The following INTS6L variants were observed in gnomAD, a reference collection of about 807,000 sequenced individuals.
The protein encoded by INTS6L is integrator complex subunit 6 like, also known as integrator complex subunit 6-like.
Under a neutral mutation model 64.7 loss-of-function variants are expected in INTS6L, and 18 were observed. That is an observed-to-expected ratio of 0.28 (90% CI 0.19 to 0.41). INTS6L has a LOEUF of 0.41. Among genes scored for constraint, INTS6L ranks in the 10% least tolerant of loss-of-function variants. INTS6L has a pLI of 1.00. For synonymous variants in INTS6L, 227 were observed against 235.9 expected (o/e 0.96, Z 0.34); for missense variants, 533 against 661.0 (o/e 0.81, Z 2.12).
chrX:135,524,796 A>G (rs1455918256), intron 2 of INTS6L, among the ~76,000 whole-genome samples: 1 of 111,722 alleles, frequency 9.0e-6, no homozygotes, highest in Non-Finnish European at 1.9e-5. Context: ...TTTACTGCAT[A>G]CTCCTCACTA....
intron 3 of INTS6L, 130 bp from the exon 4 acceptor site, chrX:135,546,250 G>A (rs2086352977): frequency 2.6e-6 from 1 of 386,489 alleles, no homozygotes; most frequent in African/African-American, 2.7e-5. Context: ...TCGTTCCCTG[G>A]TCATTTCTTC....
At chrX:135,538,894 A>G (rs2086123656) in intron 2 of INTS6L, among the ~76,000 whole-genome samples, 1 of 111,888 alleles carries the variant, frequency 8.9e-6, no homozygotes, top group South Asian at 3.8e-4. Flanking sequence ...TTTCCTGAGC[A>G]TTAGGTCTCA....
chrX:135,553,359 A>G (rs1311570554), intron 8 of INTS6L, among the ~76,000 whole-genome samples: 2 of 110,019 alleles, frequency 1.8e-5, no homozygotes, highest in Non-Finnish European at 3.8e-5. Context: ...GTGCAGTAAC[A>G]CAATCTCAGC....
At position 135,521,752 on chromosome X, in the gene INTS6L, C is replaced by CA. The variant is rs1556497227; in HGVS notation, c.189+434_189+435insA. ...CCTTCGAGGCGCACCGCGCGAGGGT[C>CA]GCCGCGCGGGGGGCCGGACGGAGCC... On this transcript the variant is annotated intron_variant, in intron 2 of 17. Coordinates refer to ENST00000639893, the MANE Select transcript of INTS6L (RefSeq NM_001351601.3). Among the ~76,000 whole-genome samples, 45 of 105,662 alleles carry CA rather than the reference C, an allele frequency of 4.3e-4. 1 individual carries two copies. The highest frequency in any genetic ancestry group is 1.5e-3 in the African/African-American group (45 of 29,137). 91.8% of individuals were successfully genotyped at this position (105,662 alleles called of 115,157 possible).
intron 8 of INTS6L, among the ~76,000 whole-genome samples, chrX:135,553,204 C>T (rs781827481): frequency 9.0e-6 from 1 of 111,605 alleles, no homozygotes; most frequent in Non-Finnish European, 1.9e-5. Context: ...TGTTAGAAGT[C>T]GGGATAGTGG....
chrX:135,566,794 C>T (rs782693118), intron 9 of INTS6L, among the ~76,000 whole-genome samples: 1 of 110,456 alleles, frequency 9.1e-6, no homozygotes, highest in East Asian at 2.8e-4. Flanking sequence ...TTTGTAACAA[C>T]TTTTTTTTTC....
At chrX:135,573,905 G>C (rs370178185) in intron 12 of INTS6L, 34 bp from the exon 13 acceptor site, 111 of 1,166,074 alleles carry the variant, frequency 9.5e-5, no homozygotes, top group Non-Finnish European at 1.3e-4. Flanking sequence ...AAAGCCTTAG[G>C]AGTAACTGAA....
intron 7 of INTS6L, 127 bp downstream of exon 7, chrX:135,549,932 G>T: frequency 1.4e-6 from 1 of 729,278 alleles, no homozygotes; most frequent in Non-Finnish European, 2.0e-6. Flanking sequence ...TCCCTCCTTT[G>T]CCTTCTATCT....
chrX:135,564,183 C>A (rs1556523701), intron 9 of INTS6L, among the ~76,000 whole-genome samples: 1 of 110,352 alleles, frequency 9.1e-6, no homozygotes, highest in African/African-American at 3.3e-5. Context: ...TTCCTCTGTC[C>A]CCTGCATTCT....
intron 15 of INTS6L, 30 bp from the exon 16 acceptor site, chrX:135,579,758 C>T: frequency 1.7e-6 from 2 of 1,155,488 alleles, no homozygotes; most frequent in Non-Finnish European, 2.3e-6. Flanking sequence ...ACCCTTACCT[C>T]ACAGCTCAAC....
At chrX:135,558,570 AAGT>A (rs2086699553) in intron 9 of INTS6L, among the ~76,000 whole-genome samples, 1 of 111,316 alleles carries the variant, frequency 9.0e-6, no homozygotes, top group Admixed American at 9.6e-5. Context: ...GAGGTATTAA[AAGT>A]AGTCAAACTC....
chrX:135,577,898 G>A (rs1470286043), intron 15 of INTS6L, among the ~76,000 whole-genome samples: 1 of 111,671 alleles, frequency 9.0e-6, no homozygotes, highest in Non-Finnish European at 1.9e-5. Flanking sequence ...TCTGGTATCT[G>A]CCTCCTCGAC....
intron 2 of INTS6L, among the ~76,000 whole-genome samples, chrX:135,532,242 C>T (rs2085930129): frequency 1.8e-5 from 2 of 111,918 alleles, no homozygotes; most frequent in Non-Finnish European, 3.8e-5. Flanking sequence ...TTTAATATAG[C>T]CATGGCATTG....
At chrX:135,544,992 G>A (rs920579112) in intron 2 of INTS6L, among the ~76,000 whole-genome samples, 7 of 111,912 alleles carry the variant, frequency 6.3e-5, no homozygotes, top group Non-Finnish European at 1.3e-4. Context: ...AAGAATCTTG[G>A]TTAGAAGAAT....
intron 2 of INTS6L, among the ~76,000 whole-genome samples, chrX:135,532,199 T>C (rs782647101): frequency 2.7e-5 from 3 of 112,211 alleles, no homozygotes; most frequent in Admixed American, 9.4e-5. Context: ...AACTAGACAG[T>C]GGACAATAGG....
intron 11 of INTS6L, chrX:135,570,852 A>G (rs1419286943): frequency 4.8e-6 from 1 of 209,739 alleles, no homozygotes; most frequent in East Asian, 9.6e-5. Context: ...TCTATCTTCA[A>G]CCTAGTTCCT....
At chrX:135,547,924 T>TCA (rs2086397658) in intron 6 of INTS6L, among the ~76,000 whole-genome samples, 1 of 111,174 alleles carries the variant, frequency 9.0e-6, no homozygotes, top group African/African-American at 3.3e-5. Context: ...TGCAAATGAA[T>TCA]TTCAAAGGGA....
chrX:135,525,897 C>T (rs781892516), intron 2 of INTS6L, among the ~76,000 whole-genome samples: 3 of 112,223 alleles, frequency 2.7e-5, no homozygotes, highest in Non-Finnish European at 5.6e-5. Flanking sequence ...AATTGCCTCT[C>T]CCATGATCTT....
intron 2 of INTS6L, among the ~76,000 whole-genome samples, chrX:135,530,368 C>T (rs1556504032): frequency 9.0e-6 from 1 of 111,373 alleles, no homozygotes; most frequent in East Asian, 2.8e-4. Flanking sequence ...TAGTTGAGGA[C>T]TGGAGGATGT....
Sources: allele counts gnomAD v4.1 joint callset (sites outside exome capture counted in the v4.1 genomes callset), GRCh38; gene constraint gnomAD v4.1.1; transcripts MANE v1.5; gene names NCBI Gene and HGNC (gene_info 2026-07-23, HGNC 2026-07-21).